The following CELF4 variants were observed in gnomAD, a reference collection of about 807,000 sequenced individuals.
The protein encoded by CELF4 is CUG-BP- and ETR-3-like factor 4.
In CELF4, 18 loss-of-function variants were observed where a neutral mutation model predicts 59.9. The observed-to-expected ratio is 0.30, with a 90% CI of 0.21 to 0.45. CELF4 has a LOEUF of 0.45. CELF4 is among the 20% of genes least tolerant of loss of function. The pLI, the probability that CELF4 is intolerant of heterozygous loss-of-function variation, is 1.00. For missense variants in CELF4, 456 were observed against 689.0 expected, an observed-to-expected ratio of 0.66 and a Z score of 3.79; for synonymous variants, 261 against 267.1, an observed-to-expected ratio of 0.98 and a Z score of 0.22.
intron 2 of CELF4, among the ~76,000 whole-genome samples, chr18:37,380,822 T>TCCATCCATCCATC (rs370013097): frequency 7.0e-6 from 1 of 143,382 alleles, no homozygotes; most frequent in Non-Finnish European, 1.5e-5. Context: ...CATCCATCCA[T>TCCATCCATCCATC]CATCTATCCT....
intron 2 of CELF4, among the ~76,000 whole-genome samples, chr18:37,322,837 A>T (rs1362206539): frequency 6.6e-6 from 1 of 152,182 alleles, no homozygotes; most frequent in Admixed American, 6.5e-5. Flanking sequence ...TCACAAACTC[A>T]GACTCAGAGA....
intron 1 of CELF4, among the ~76,000 whole-genome samples, chr18:37,537,333 G>T (rs2154605302): frequency 6.6e-6 from 1 of 152,234 alleles, no homozygotes; most frequent in East Asian, 1.9e-4. Context: ...GACTGAAGGG[G>T]CCCTGTGTAC....
chr18:37,427,306 G>A lies in CELF4; in HGVS notation c.369+58219C>T, dbSNP rs558919460. Among the ~76,000 whole-genome samples the A allele has an allele frequency of 3.9e-5, 6 of 152,264 alleles. No homozygotes were observed. The East Asian group carries it at 1.2e-3, about 29-fold the overall frequency. On this transcript the variant is annotated intron_variant, in intron 2 of 12. Coordinates refer to ENST00000420428, the MANE Select transcript of CELF4 (RefSeq NM_020180.4). Reference sequence around the variant, plus strand: ...AATAGCCCAGGCAGGAAATAGCACAGGTGGCTATGGTGGTGAACAACAGGG... The same window carrying A: ...AATAGCCCAGGCAGGAAATAGCACAAGTGGCTATGGTGGTGAACAACAGGG...
chr18:37,281,562 G>C (rs1350192800), intron 3 of CELF4, among the ~76,000 whole-genome samples: 1 of 152,212 alleles, frequency 6.6e-6, no homozygotes, highest in East Asian at 1.9e-4. Flanking sequence ...AGGTCTAGTG[G>C]CTGGTGGGGT....
At position 37,264,714 on chromosome 18, in the gene CELF4, A is replaced by G. The variant is rs200306678; in HGVS notation, c.1209T>C (p.Phe403=). ...GGGGGATCATTGGAGGCGGCTGAGGAAAGGCCTGGCTTATCTGACCATAGG... is the reference window on the plus strand; with the variant it reads ...GGGGGATCATTGGAGGCGGCTGAGGGAAGGCCTGGCTTATCTGACCATAGG... The part of the protein sequence containing the change: ...PAAYGQISQA[F]PQPPPMIPQQ... Residue 403 remains phenylalanine, a synonymous_variant, in exon 10 of 13, where the codon TTT becomes TTC. Transcript: ENST00000420428. 2.8e-4 allele frequency: 450 copies of G among 1,582,106 alleles called. No homozygotes were observed. Among genetic ancestry groups the G allele is most frequent in the East Asian group, 1.9e-3 (84 of 43,450 alleles).
chr18:37,516,263 G>C (rs141832250), intron 1 of CELF4, among the ~76,000 whole-genome samples: 1 of 152,040 alleles, frequency 6.6e-6, no homozygotes, highest in African/African-American at 2.4e-5. Context: ...TGCACACACC[G>C]TTTCCTCTGC....
chr18:37,408,788 C>G (rs1258012965), intron 2 of CELF4, among the ~76,000 whole-genome samples: 24 of 152,160 alleles, frequency 1.6e-4, no homozygotes, highest in Non-Finnish European at 1.5e-5. Context: ...TTGGTCCTGT[C>G]CCACCACCCA....
At chr18:37,470,836 CTGTGTGTG>C (rs71381583) in intron 2 of CELF4, among the ~76,000 whole-genome samples, 7,936 of 92,984 alleles carry the variant, frequency 0.085, 424 homozygotes, top group Admixed American at 0.14. Flanking sequence ...CTTCATGACT[CTGTGTGTG>C]TGTGTGTGTG....
At chr18:37,499,969 C>T (rs904524911) in intron 1 of CELF4, among the ~76,000 whole-genome samples, 3 of 152,206 alleles carry the variant, frequency 2.0e-5, no homozygotes, top group African/African-American at 4.8e-5. Context: ...CGAGAACACA[C>T]ATCTGGTCAG....
At position 37,243,186 on chromosome 18, in the gene CELF4, C is replaced by CTTTTTTTTTTTTTTTTTTTTTTTTTTT. The variant is rs561464294; in HGVS notation, c.*2055_*2056insAAAAAAAAAAAAAAAAAAAAAAAAAAA. 3.0e-5 allele frequency: 3 copies of CTTTTTTTTTTTTTTTTTTTTTTTTTTT among 100,570 alleles called. No homozygotes were observed. Among genetic ancestry groups the CTTTTTTTTTTTTTTTTTTTTTTTTTTT allele is most frequent in the Admixed American group, 1.1e-4 (1 of 9,106 alleles). The allele number at this position is 100,570 out of a possible 1,614,324, so 6.2% of individuals were successfully genotyped here. A position where few individuals can be genotyped will look rare whatever the true frequency, so the allele number is the denominator to read the frequency against. On this transcript the variant is annotated 3_prime_UTR_variant, in exon 13 of 13. Coordinates refer to ENST00000420428, the MANE Select transcript of CELF4 (RefSeq NM_020180.4). Reference sequence around the variant, plus strand: ...TGTTTTCTTTTTTTTTTCTTTTTTTCTTTTTTTTTTTTTTTTTTTTACATC... The same window carrying CTTTTTTTTTTTTTTTTTTTTTTTTTTT: ...TGTTTTCTTTTTTTTTTCTTTTTTTCTTTTTTTTTTTTTTTTTTTTTTTTTTTTTTTTTTTTTTTTTTTTTTTACATC...
chr18:37,376,352 C>T (rs1452781505), intron 2 of CELF4, among the ~76,000 whole-genome samples: 1 of 152,166 alleles, frequency 6.6e-6, no homozygotes, highest in Non-Finnish European at 1.5e-5. Flanking sequence ...TAATCCGCTC[C>T]AAGCCCCTGC....
intron 1 of CELF4, among the ~76,000 whole-genome samples, chr18:37,544,642 C>T (rs141363307): frequency 1.8e-3 from 277 of 152,218 alleles, no homozygotes; most frequent in Middle Eastern, 0.01. Flanking sequence ...TGTGTAGCTA[C>T]GTGAGGATGA....
intron 2 of CELF4, among the ~76,000 whole-genome samples, chr18:37,410,049 G>A (rs1279728881): frequency 6.6e-6 from 1 of 152,150 alleles, no homozygotes; most frequent in Non-Finnish European, 1.5e-5. Context: ...CGGCCTCAGG[G>A]CCACTTTCAG....
At chr18:37,476,750 CTCGTTTTCTGGCG>C (rs1309496659) in intron 2 of CELF4, among the ~76,000 whole-genome samples, 8 of 152,310 alleles carry the variant, frequency 5.3e-5, no homozygotes, top group East Asian at 3.9e-4. Flanking sequence ...GTTTCTCAGC[CTCGTTTTCTGGCG>C]AAAGGTCAAC....
intron 2 of CELF4, among the ~76,000 whole-genome samples, chr18:37,414,482 T>C (rs573145126): frequency 6.9e-6 from 1 of 145,748 alleles, no homozygotes; most frequent in Admixed American, 7.2e-5. Flanking sequence ...ACCCATCTAC[T>C]CATTTTTTTT....
intron 5 of CELF4, 172 bp from the exon 6 acceptor site, chr18:37,274,626 T>C (rs1435304017): frequency 2.7e-6 from 4 of 1,508,248 alleles, no homozygotes; most frequent in Non-Finnish European, 1.8e-6. Context: ...ATTTTCCACC[T>C]GGGTAACCTC....
chr18:37,564,910 TGAG>T (rs1661595144), intron 1 of CELF4, among the ~76,000 whole-genome samples: 1 of 152,056 alleles, frequency 6.6e-6, no homozygotes, highest in South Asian at 2.1e-4. Flanking sequence ...GAGCAAAGGA[TGAG>T]GAGACCACCT....
At chr18:37,475,568 G>A (rs1470274082) in intron 2 of CELF4, among the ~76,000 whole-genome samples, 2 of 152,226 alleles carry the variant, frequency 1.3e-5, no homozygotes, top group Non-Finnish European at 2.9e-5. Context: ...GATGCCCTGG[G>A]AGGATTCTGG....
Position 37,518,547 on chromosome 18 carries a change from G to C in CELF4, c.287-32940C>G, listed in dbSNP as rs147263599. ...GGGAACAGAGAATCAGAGATTCTAA[G>C]AACCCATGTGCTCAGAGCCACCGTG... On this transcript the variant is annotated intron_variant, in intron 1 of 12. Transcript: ENST00000420428. Among the ~76,000 whole-genome samples, 885 of 152,244 alleles carry C rather than the reference G, an allele frequency of 5.8e-3. 15 individuals carry two copies. The highest frequency in any genetic ancestry group is 0.05 in the South Asian group (243 of 4,816).
Sources: allele counts gnomAD v4.1 joint callset (sites outside exome capture counted in the v4.1 genomes callset), GRCh38; gene constraint gnomAD v4.1.1; transcripts MANE v1.5; gene names NCBI Gene and HGNC (gene_info 2026-07-23, HGNC 2026-07-21).